Variants in SRRM2 observed in about 807,000 individuals in gnomAD.
SRRM2 encodes the protein serine/arginine repetitive matrix 2.
SRRM2 carries 30 observed loss-of-function variants against 213.8 expected under a neutral mutation model. The observed-to-expected ratio is 0.14, with a 90% confidence interval of 0.10 to 0.19. SRRM2 has a LOEUF of 0.19. Among genes scored for constraint, SRRM2 ranks in the 10% least tolerant of loss-of-function variants. SRRM2 has a pLI of 1.00. For missense variants in SRRM2, 4,904 were observed against 3,647.0 expected (o/e 1.34, Z -8.88); for synonymous variants, 2,025 against 1,377.7 (o/e 1.47, Z -10.40).
In SRRM2 at chr16:2,762,419, G is replaced by C; in HGVS notation, c.1891G>C (p.Val631Leu). 1 of 1,614,044 alleles carries C rather than the reference G, an allele frequency of 6.2e-7. No homozygotes were observed. The highest frequency in any genetic ancestry group is 8.5e-7 in the Non-Finnish European group (1 of 1,180,002). ...GCGCAGATCTAGGACCCGATCACCA[G>C]TACGACGCAGGTCTCGTAGTAGATC... The part of the protein sequence containing the change: ...ARRRSRTRSP[V>L]RRRSRSRSPA... Residue 631 changes from valine to leucine, a missense_variant, in exon 11 of 15, where the codon GTA becomes CTA. Coordinates refer to ENST00000301740, the MANE Select transcript of SRRM2 (RefSeq NM_016333.4).
At chr16:2,760,599 T>TA (rs2068307456) in intron 10 of SRRM2, 100 bp downstream of exon 10, 1 of 1,383,386 alleles carries the variant, frequency 7.2e-7, no homozygotes, top group African/African-American at 1.5e-5. Context: ...TTAAAATAAA[T>TA]AAATTCAGTT....
rs1214333904 is a variant in SRRM2, at chr16:2,763,825, C to T, written c.3297C>T (p.Ser1099=). Residue 1099 remains serine, a synonymous_variant, in exon 11 of 15, where the codon TCC becomes TCT. Transcript: ENST00000301740. Reference sequence around the variant, plus strand: ...AAACATCACCTAAGGGAGGTCGGTCCAGGTCTTCATCTCCAGTCACTGAGC... The same window carrying T: ...AAACATCACCTAAGGGAGGTCGGTCTAGGTCTTCATCTCCAGTCACTGAGC... The part of the protein sequence containing the change: ...KSQTSPKGGR[S]RSSSPVTELA... 2 of 1,614,180 alleles carry T rather than the reference C, an allele frequency of 1.2e-6. No individual in the cohort carries two copies. The highest frequency in any genetic ancestry group is 1.7e-6 in the Non-Finnish European group (2 of 1,180,030).
rs139084411 is a variant in SRRM2 at position 2,760,450 on chromosome 16, C to T, written c.983C>T (p.Thr328Met). The T allele has an allele frequency of 8.7e-6, 14 of 1,613,956 alleles. No homozygotes were observed. The highest frequency in any genetic ancestry group is 1.7e-5 in the Admixed American group (1 of 60,006). The change falls in exon 10 of 15, where the codon ACG becomes ATG. Residue 328 changes from threonine to methionine, a missense_variant. Thr to Met is a moderately conservative substitution (Grantham distance 81). Transcript: ENST00000301740. ...TQRPSSPETA[T>M]KQPSSPYEDK... ...CGGCCTAGTAGCCCGGAGACTGCTA[C>T]GAAACAGCCTAGCAGCCCTTATGAA...
Position 2,762,552 on chromosome 16 carries a change from C to T in SRRM2, c.2024C>T (p.Ala675Val), listed in dbSNP as rs1273830765. Residue 675 changes from alanine (A) to valine (V), a missense_variant, in exon 11 of 15, where the codon GCT becomes GTT. Ala to Val is a moderately conservative substitution (Grantham distance 64). Coordinates refer to ENST00000301740, the MANE Select transcript of SRRM2 (RefSeq NM_016333.4). ...RRGRSRSRTP[A>V]RRSGRSRSRT... is the part of the protein sequence containing the mutation. ...GGCCGCTCACGCTCTAGAACCCCAG[C>T]TAGACGCAGTGGTCGCTCACGCTCC... is the stretch of plus-strand genomic sequence containing the variant. 2 of 1,614,078 alleles carry T rather than the reference C, an allele frequency of 1.2e-6. No homozygotes were observed. Among genetic ancestry groups the T allele is most frequent in the Admixed American group, 3.3e-5 (2 of 60,018 alleles).
At chr16:2,759,203 G>C (rs754229725) in intron 7 of SRRM2, 31 bp downstream of exon 7, 84 of 1,612,370 alleles carry the variant, frequency 5.2e-5, no homozygotes, top group Non-Finnish European at 6.8e-5. Context: ...AGGGGGCGCA[G>C]TGGCATGTGG....
chr16:2,761,902 A>C lies in SRRM2; in HGVS notation c.1374A>C (p.Thr458=), dbSNP rs1449218822. ...GSHREISSSP[T]SKNRSHGRAK... The stretch of plus-strand genomic sequence containing the variant: ...ACCGAGAGATTTCTTCTTCTCCCAC[A>C]TCTAAGAATCGCTCACATGGCCGAG... The change falls in exon 11 of 15, where the codon ACA becomes ACC. Residue 458 remains threonine (T), a synonymous_variant. Coordinates refer to ENST00000301740, the MANE Select transcript of SRRM2 (RefSeq NM_016333.4). The C allele has an allele frequency of 3.1e-6, 5 of 1,613,322 alleles. No homozygotes were observed. Among genetic ancestry groups the C allele is most frequent in the Admixed American group, 1.7e-5 (1 of 59,986 alleles).
rs1443060345 is a variant in SRRM2, at chr16:2,767,719, C to T, written c.7191C>T (p.Thr2397=). Residue 2397 remains threonine, a synonymous_variant, in exon 11 of 15, where the codon ACC becomes ACT. Transcript: ENST00000301740. The part of the protein sequence containing the change: ...LSAYERVSGR[T]SPPLLDRARS... ...CCTACGAGCGTGTCAGTGGCAGAAC[C>T]TCACCACCGCTCCTTGACCGAGCTA... 1 of 1,613,750 alleles carries T rather than the reference C, an allele frequency of 6.2e-7. No homozygotes were observed. Among genetic ancestry groups the T allele is most frequent in the Non-Finnish European group, 8.5e-7 (1 of 1,179,980 alleles).
intron 4 of SRRM2, 137 bp downstream of exon 4, chr16:2,758,082 A>G (rs1254457764): frequency 1.8e-6 from 2 of 1,118,712 alleles, no homozygotes; most frequent in Admixed American, 2.4e-5. Flanking sequence ...GTCCAAAAAA[A>G]TGTGTCCAAG....
Position 2,765,591 on chromosome 16 carries a change from G to A in SRRM2, c.5063G>A (p.Arg1688His), listed in dbSNP as rs375464631. The A allele has an allele frequency of 1.1e-5, 18 of 1,613,962 alleles. No homozygotes were observed. Among genetic ancestry groups the A allele is most frequent in the Admixed American group, 5.0e-5 (3 of 59,976 alleles). ...ACCAAGTCTCGTACACCACCTCGAC[G>A]TCGCAGCTCTCGATCATCTCCGGAG... ...PKTKSRTPPRRRSSRSSPELT... is the reference protein window; with the variant it reads ...PKTKSRTPPRHRSSRSSPELT... Residue 1688 changes from arginine (R) to histidine (H), a missense_variant, in exon 11 of 15, where the codon CGT (arginine) becomes CAT (histidine). Coordinates refer to ENST00000301740, the MANE Select transcript of SRRM2 (RefSeq NM_016333.4).
In SRRM2 at chr16:2,763,163, C is replaced by T. The variant is rs780376380; in HGVS notation, c.2635C>T (p.Pro879Ser). The T allele has an allele frequency of 3.1e-6, 5 of 1,613,998 alleles. No individual in the cohort carries two copies. The highest frequency in any genetic ancestry group is 2.2e-5 in the East Asian group (1 of 44,894). Residue 879 changes from proline (P) to serine (S), a missense_variant, in exon 11 of 15, where the codon CCT becomes TCT. Physicochemically the swap from Pro to Ser is moderately conservative, Grantham distance 74. Coordinates refer to ENST00000301740, the MANE Select transcript of SRRM2 (RefSeq NM_016333.4). ...RRSCFESSPD[P>S]ELKSRTPSRH... ...GAGCTGTTTTGAATCATCACCTGACCCTGAGTTGAAATCTAGGACCCCTTC... is the reference window on the plus strand; with the variant it reads ...GAGCTGTTTTGAATCATCACCTGACTCTGAGTTGAAATCTAGGACCCCTTC...
chr16:2,768,906 C>T, intron 11 of SRRM2, 91 bp from the exon 12 acceptor site: 1 of 1,574,006 alleles, frequency 6.4e-7, no homozygotes, highest in Non-Finnish European at 8.6e-7. Flanking sequence ...TCTCAGGCAC[C>T]CCTCCCCCCA....
At position 2,761,991 on chromosome 16, in the gene SRRM2, C is replaced by A; in HGVS notation, c.1463C>A (p.Ala488Asp). 2 of 1,614,188 alleles carry A rather than the reference C, an allele frequency of 1.2e-6. No homozygotes were observed. The highest frequency in any genetic ancestry group is 1.7e-6 in the Non-Finnish European group (2 of 1,180,036). The change falls in exon 11 of 15, where the codon GCC becomes GAC. Residue 488 changes from alanine to aspartate, a missense_variant. By Grantham distance (126) the Ala-to-Asp change is moderately radical. Coordinates refer to ENST00000301740, the MANE Select transcript of SRRM2 (RefSeq NM_016333.4). ...SRRMGRSRSP[A>D]TAKRGRSRSR... Reference sequence around the variant, plus strand: ...AGGATGGGGAGGTCCCGTAGCCCTGCCACCGCTAAGAGAGGGCGATCTCGG... The same window carrying A: ...AGGATGGGGAGGTCCCGTAGCCCTGACACCGCTAAGAGAGGGCGATCTCGG...
Position 2,763,069 on chromosome 16 carries a change from A to G in SRRM2, c.2541A>G (p.Gly847=), listed in dbSNP as rs765986787. ...CTCCTCATCCTAAAGTGAAATCTGG[A>G]ACACCACCGAGGCAAGGGTCCATAA... is the stretch of plus-strand genomic sequence containing the variant. ...SSSPHPKVKS[G]TPPRQGSITS... Residue 847 remains glycine (G), a synonymous_variant, in exon 11 of 15, where the codon GGA becomes GGG. Coordinates refer to ENST00000301740, the MANE Select transcript of SRRM2 (RefSeq NM_016333.4). 11 of 1,614,168 alleles carry G rather than the reference A, an allele frequency of 6.8e-6. No individual in the cohort carries two copies. Among genetic ancestry groups the G allele is most frequent in the Non-Finnish European group, 9.3e-6 (11 of 1,180,030 alleles).
In SRRM2 at chr16:2,759,588, G is replaced by A. The variant is rs1323685026; in HGVS notation, c.760G>A (p.Ala254Thr). ...KRKRSRSTTP[A>T]PKSRRAHRST... ...CTTCAGGTCTCGAAGTACAACACCAGCCCCCAAGAGCCGCCGGGCCCACCG... is the reference window on the plus strand; with the variant it reads ...CTTCAGGTCTCGAAGTACAACACCAACCCCCAAGAGCCGCCGGGCCCACCG... Residue 254 changes from alanine to threonine, a missense_variant, in exon 9 of 15, where the codon GCC becomes ACC. Coordinates refer to ENST00000301740, the MANE Select transcript of SRRM2 (RefSeq NM_016333.4). 6.2e-7 allele frequency: 1 copy of A among 1,614,142 alleles called. No homozygotes were observed.
intron 5 of SRRM2, 100 bp downstream of exon 5, chr16:2,758,647 A>AT: frequency 8.3e-7 from 1 of 1,203,568 alleles, no homozygotes; most frequent in Non-Finnish European, 1.2e-6. Flanking sequence ...AAAGCAGGAG[A>AT]TAGTTGTCAG....
chr16:2,770,219 C>T (rs1431623922), intron 12 of SRRM2, 133 bp from the exon 13 acceptor site: 21 of 1,450,728 alleles, frequency 1.4e-5, no homozygotes, highest in East Asian at 2.5e-5. Context: ...GGTGAGTGAG[C>T]GGACAAAGGT....
Position 2,762,678 on chromosome 16 carries a change from C to T in SRRM2, c.2150C>T (p.Thr717Ile), listed in dbSNP as rs116499978. 6.2e-7 allele frequency: 1 copy of T among 1,614,146 alleles called. No individual in the cohort carries two copies. The highest frequency in any genetic ancestry group is 8.5e-7 in the Non-Finnish European group (1 of 1,180,006). ...LVRRGRSHSR[T>I]PQRRGRSGSS... Reference sequence around the variant, plus strand: ...AGACGTGGAAGATCTCACTCTAGAACACCTCAAAGAAGAGGCAGATCTGGC... The same window carrying T: ...AGACGTGGAAGATCTCACTCTAGAATACCTCAAAGAAGAGGCAGATCTGGC... The change falls in exon 11 of 15, where the codon ACA becomes ATA. Residue 717 changes from threonine (T) to isoleucine (I), a missense_variant. Thr to Ile is a moderately conservative substitution (Grantham distance 89, BLOSUM62 -1). Coordinates refer to ENST00000301740, the MANE Select transcript of SRRM2 (RefSeq NM_016333.4).
chr16:2,763,022 A>G lies in SRRM2; in HGVS notation c.2494A>G (p.Arg832Gly), dbSNP rs1452049356. 1.2e-6 allele frequency: 2 copies of G among 1,614,190 alleles called. No homozygotes were observed. Among genetic ancestry groups the G allele is most frequent in the African/African-American group, 1.3e-5 (1 of 75,036 alleles). The change falls in exon 11 of 15, where the codon AGA (arginine) becomes GGA (glycine). Residue 832 changes from arginine (R) to glycine (G), a missense_variant. Transcript: ENST00000301740. The part of the protein sequence containing the change: ...PPKQKSKTPS[R>G]QSHSSSSPHP... ...TAAACAGAAATCTAAGACACCATCA[A>G]GACAAAGTCATTCCAGTTCATCTCC...
chr16:2,770,282 G>C (rs756983342), intron 12 of SRRM2, 70 bp from the exon 13 acceptor site: 3 of 1,489,632 alleles, frequency 2.0e-6, no homozygotes, highest in South Asian at 1.3e-5. Context: ...GGACCTGGGC[G>C]GGTGGTCCTG....
Sources: gnomAD v4.1 joint callset for allele counts on GRCh38, gnomAD v4.1.1 for gene constraint, MANE v1.5 for transcripts, NCBI Gene and HGNC (gene_info 2026-07-23, HGNC 2026-07-21) for gene names.